ME3: variants seen among roughly 807,000 people sequenced by gnomAD.
ME3 encodes the protein NADP-dependent malic enzyme, mitochondrial.
In ME3, 48 loss-of-function variants were observed where a neutral mutation model predicts 68.9. That is an observed-to-expected ratio of 0.70 (90% confidence interval 0.55 to 0.89). The LOEUF (loss-of-function observed/expected upper bound fraction) is 0.89. ME3 is among the 40% of genes least tolerant of loss of function. ME3 has a pLI of 0.00. For synonymous variants in ME3, 320 were observed against 318.8 expected, an observed-to-expected ratio of 1.00 and a Z score of -0.04; for missense variants, 675 against 797.4, an observed-to-expected ratio of 0.85 and a Z score of 1.85.
chr11:86,524,276 G>A (rs1358962936), intron 4 of ME3, among the ~76,000 whole-genome samples: 4 of 152,170 alleles, frequency 2.6e-5, no homozygotes, highest in African/African-American at 9.7e-5. Flanking sequence ...TCAAACCTGC[G>A]ATTCTGAAAT....
chr11:86,554,569 A>G (rs1396172175), intron 4 of ME3, among the ~76,000 whole-genome samples: 1 of 152,192 alleles, frequency 6.6e-6, no homozygotes, highest in Non-Finnish European at 1.5e-5. Flanking sequence ...ACTGACATTT[A>G]TCTGGTTCCA....
chr11:86,499,117 G>A (rs1952554179), intron 5 of ME3, among the ~76,000 whole-genome samples: 1 of 152,180 alleles, frequency 6.6e-6, no homozygotes. Flanking sequence ...CCTTGGACAG[G>A]TGGAGATTGT....
At chr11:86,481,138 C>A (rs1292403450) in intron 7 of ME3, among the ~76,000 whole-genome samples, 2 of 151,414 alleles carry the variant, frequency 1.3e-5, no homozygotes, top group Non-Finnish European at 2.9e-5. Context: ...AACCCCTGGG[C>A]TTAAGTGATC....
intron 4 of ME3, among the ~76,000 whole-genome samples, chr11:86,547,253 A>G (rs1294903053): frequency 6.6e-6 from 1 of 151,470 alleles, no homozygotes; most frequent in Non-Finnish European, 1.5e-5. Flanking sequence ...AAAAAAAAAA[A>G]AAAAAAAGAA....
intron 8 of ME3, among the ~76,000 whole-genome samples, chr11:86,454,255 C>T (rs1949795050): frequency 6.6e-6 from 1 of 152,206 alleles, no homozygotes; most frequent in South Asian, 2.1e-4. Flanking sequence ...GTTTCCCCAT[C>T]TAGAGCAAAG....
intron 2 of ME3, among the ~76,000 whole-genome samples, chr11:86,641,962 A>C (rs1364208509): frequency 6.6e-6 from 1 of 152,208 alleles, no homozygotes; most frequent in African/African-American, 2.4e-5. Context: ...CATTCCTGCA[A>C]GCTTCTGATT....
At chr11:86,605,389 G>C (rs1961474775) in intron 2 of ME3, among the ~76,000 whole-genome samples, 2 of 152,186 alleles carry the variant, frequency 1.3e-5, no homozygotes, top group African/African-American at 4.8e-5. Flanking sequence ...TTTGACTTAA[G>C]AACCTGTGAC....
At chr11:86,633,354 G>A (rs1311651892) in intron 2 of ME3, among the ~76,000 whole-genome samples, 1 of 152,136 alleles carries the variant, frequency 6.6e-6, no homozygotes, top group African/African-American at 2.4e-5. Context: ...ACCCTATTTT[G>A]TAGATCAGGA....
chr11:86,547,440 TG>T (rs1489880714), intron 4 of ME3, among the ~76,000 whole-genome samples: 3 of 121,746 alleles, frequency 2.5e-5, no homozygotes, highest in Admixed American at 1.0e-4. Flanking sequence ...TGAGAACACA[TG>T]GACACAGGGA....
intron 8 of ME3, chr11:86,457,542 G>A (rs1474978537): frequency 8.7e-7 from 1 of 1,152,612 alleles, no homozygotes; most frequent in Non-Finnish European, 1.1e-6. Context: ...TGGTTCTTAA[G>A]CTCCAAATTA....
At chr11:86,450,592 T>G (rs796450529) in intron 8 of ME3, among the ~76,000 whole-genome samples, 194 bp from the exon 9 acceptor site, 2 of 152,202 alleles carry the variant, frequency 1.3e-5, no homozygotes, top group South Asian at 2.1e-4. Context: ...GTTGTTGAAG[T>G]TGAGAAACAG....
chr11:86,554,170 C>G (rs577126127), intron 4 of ME3, among the ~76,000 whole-genome samples: 2 of 152,302 alleles, frequency 1.3e-5, no homozygotes, highest in Admixed American at 6.5e-5. Context: ...AAGGTCCTAA[C>G]CCTTCTACTA....
chr11:86,606,854 C>T (rs1961736720), intron 2 of ME3, among the ~76,000 whole-genome samples: 1 of 152,140 alleles, frequency 6.6e-6, no homozygotes, highest in African/African-American at 2.4e-5. Context: ...ATTCCTACTT[C>T]TTTTTCTAAT....
chr11:86,610,829 T>C (rs1942517611), intron 2 of ME3, among the ~76,000 whole-genome samples: 2 of 152,152 alleles, frequency 1.3e-5, no homozygotes, highest in Admixed American at 1.3e-4. Flanking sequence ...ACCCAGTCAG[T>C]GACTGGCTGA....
chr11:86,505,694 T>A (rs1565873240), intron 5 of ME3, among the ~76,000 whole-genome samples: 1 of 152,172 alleles, frequency 6.6e-6, no homozygotes, highest in East Asian at 1.9e-4. Context: ...TAGTTAATCC[T>A]CACAATAGGA....
chr11:86,613,873 C>T (rs962732994), intron 2 of ME3, among the ~76,000 whole-genome samples: 4 of 152,096 alleles, frequency 2.6e-5, no homozygotes, highest in Admixed American at 6.5e-5. Context: ...GAATCAATAT[C>T]GTGAAAATGG....
At chr11:86,653,281 A>C (rs1164117768) in intron 2 of ME3, among the ~76,000 whole-genome samples, 1 of 152,180 alleles carries the variant, frequency 6.6e-6, no homozygotes, top group Non-Finnish European at 1.5e-5. Context: ...CCCCAAATCA[A>C]CAGATTATAC....
chr11:86,644,041 T>C (rs1007603845), intron 2 of ME3, among the ~76,000 whole-genome samples: 1 of 152,328 alleles, frequency 6.6e-6, no homozygotes, highest in East Asian at 1.9e-4. Context: ...TTATGAAGAA[T>C]GCTGAGGAAG....
intron 6 of ME3, among the ~76,000 whole-genome samples, chr11:86,493,610 C>T (rs969536949): frequency 5.9e-5 from 9 of 152,252 alleles, no homozygotes; most frequent in African/African-American, 2.2e-4. Context: ...ATCCAATCCA[C>T]ACGTAGCCAT....
Sources: allele counts gnomAD v4.1 joint callset (sites outside exome capture counted in the v4.1 genomes callset), GRCh38; gene constraint gnomAD v4.1.1; transcripts MANE v1.5; gene names NCBI Gene and HGNC (gene_info 2026-07-23, HGNC 2026-07-21).